ZNF557: variants seen among roughly 807,000 people sequenced by gnomAD.
ZNF557 encodes the protein CTB-25J19.9.
A neutral mutation model predicts 21.2 loss-of-function variants in ZNF557; 19 were observed. The observed-to-expected ratio is 0.90, with a 90% confidence interval of 0.63 to 1.32. The LOEUF is 1.32. Among genes scored for constraint, ZNF557 ranks in the 40% most tolerant of loss-of-function variants. The pLI, the probability that ZNF557 is intolerant of heterozygous loss-of-function variation, is 0.00. For synonymous variants in ZNF557, 207 were observed against 194.8 expected, an observed-to-expected ratio of 1.06 and a Z score of -0.52; for missense variants, 487 against 519.8, an observed-to-expected ratio of 0.94 and a Z score of 0.61.
At chr19:7,074,329 T>TACACACACACACACACACACAC (rs143012504) in intron 2 of ZNF557, among the ~76,000 whole-genome samples, 9 of 147,074 alleles carry the variant, frequency 6.1e-5, no homozygotes, top group Admixed American at 1.4e-4. Context: ...TTTGTGTGTA[T>TACACACACACACACACACACAC]ATACACACAC....
Position 7,081,605 on chromosome 19 carries a change from C to A in ZNF557, c.343+150C>A, listed in dbSNP as rs1847710111. 6 of 623,908 alleles carry A rather than the reference C, an allele frequency of 9.6e-6. No homozygotes were observed. The East Asian group carries it at 1.1e-4, about 12-fold the overall frequency. The allele number at this position is 623,908 out of a possible 1,614,324, so 38.6% of individuals were successfully genotyped here. ...GAAGGCCAAGAACGTTTGGTCTGAG[C>A]CCCCTCATGTACCTTCATGACTTCC... is the stretch of plus-strand genomic sequence containing the variant. On this transcript the variant is annotated intron_variant, in intron 6 of 7. Transcript: ENST00000252840.
chr19:7,083,371 TTTCTTCGCACTA>T lies in ZNF557; in HGVS notation c.922_933del (p.Ser309_Ser312del). 1 of 1,614,212 alleles carries T rather than the reference TTTCTTCGCACTA, an allele frequency of 6.2e-7. No homozygotes were observed. The highest frequency in any genetic ancestry group is 8.5e-7 in the Non-Finnish European group (1 of 1,180,040). ...AAGGCTTTCGGCACGAGGTCATCTCTTTCTTCGCACTATAGCATTCATACAGGGGAGTACCCT... is the reference window on the plus strand; with the variant it reads ...AAGGCTTTCGGCACGAGGTCATCTCTTAGCATTCATACAGGGGAGTACCCT... On this transcript the variant is annotated inframe_deletion, in exon 8 of 8. Transcript: ENST00000252840.
At chr19:7,076,549 A>T in intron 5 of ZNF557, 42 bp downstream of exon 5, 1 of 1,587,714 alleles carries the variant, frequency 6.3e-7, no homozygotes, top group Non-Finnish European at 8.6e-7. Context: ...ATGACTCAGG[A>T]AGTCAGTCTT....
chr19:7,073,833 A>G (rs1977514481), intron 2 of ZNF557, among the ~76,000 whole-genome samples: 1 of 152,108 alleles, frequency 6.6e-6, no homozygotes, highest in Non-Finnish European at 1.5e-5. Context: ...GCTACATCTC[A>G]ATACAAATTC....
intron 5 of ZNF557, among the ~76,000 whole-genome samples, chr19:7,078,185 C>T (rs1456858573): frequency 2.0e-5 from 3 of 152,158 alleles, no homozygotes; most frequent in Admixed American, 6.5e-5. Context: ...AGTATGTCAT[C>T]ATCCCACTGG....
In ZNF557 at chr19:7,086,262, A is replaced by G. The variant is rs1415723036; in HGVS notation, c.*2518A>G. 1 of 142,512 alleles carries G rather than the reference A, an allele frequency of 7.0e-6. No homozygotes were observed. Among genetic ancestry groups the G allele is most frequent in the Non-Finnish European group, 1.5e-5 (1 of 65,312 alleles). The allele number at this position is 142,512 out of a possible 1,614,324, so 8.8% of individuals were successfully genotyped here. On this transcript the variant is annotated 3_prime_UTR_variant, in exon 8 of 8. Transcript: ENST00000252840. ...AAAAAAATCAGACAATATTTGATATATTTTTTTCTAATTTAATAGTATTTT... is the reference window on the plus strand; with the variant it reads ...AAAAAAATCAGACAATATTTGATATGTTTTTTTCTAATTTAATAGTATTTT...
At chr19:7,072,629 C>T (rs1977484079) in intron 2 of ZNF557, among the ~76,000 whole-genome samples, 1 of 152,180 alleles carries the variant, frequency 6.6e-6, no homozygotes, top group Non-Finnish European at 1.5e-5. Context: ...GCTTTCCTGC[C>T]TCTGCACGTG....
chr19:7,084,228 A>G lies in ZNF557; in HGVS notation c.*484A>G, dbSNP rs1288103523. On this transcript the variant is annotated 3_prime_UTR_variant, in exon 8 of 8. Coordinates refer to ENST00000252840, the MANE Select transcript of ZNF557 (RefSeq NM_024341.3). ...AGATATGTTTTCATGTCCCTGTTAC[A>G]TTGGTCATACACACCAATCCTGATA... The G allele has an allele frequency of 6.1e-6, 1 of 164,276 alleles. No individual in the cohort carries two copies. The highest frequency in any genetic ancestry group is 1.3e-5 in the Non-Finnish European group (1 of 75,084). The allele number at this position is 164,276 out of a possible 1,614,324, so 10.2% of individuals were successfully genotyped here. A position where few individuals can be genotyped will look rare whatever the true frequency, so the allele number is the denominator to read the frequency against.
Position 7,075,700 on chromosome 19 carries a change from A to G in ZNF557, c.77A>G (p.Glu26Gly). The G allele has an allele frequency of 1.2e-6, 2 of 1,613,662 alleles. No homozygotes were observed. Among genetic ancestry groups the G allele is most frequent in the Non-Finnish European group, 1.7e-6 (2 of 1,179,658 alleles). The change falls in exon 4 of 8, where the codon GAG (glutamate) becomes GGG (glycine). Residue 26 changes from glutamate to glycine, a missense_variant. Physicochemically the swap from Glu to Gly is moderately conservative, Grantham distance 98 (BLOSUM62 -2). Coordinates refer to ENST00000252840, the MANE Select transcript of ZNF557 (RefSeq NM_024341.3). ...GCCTCTCAGCGAGAAGGACACACAG[A>G]GGGCGGAGAGCTGGTTAATGAGCTC... ...FPASQREGHT[E>G]GGELVNELLK...
At position 7,083,660 on chromosome 19, in the gene ZNF557, C is replaced by T. The variant is rs1309052971; in HGVS notation, c.1209C>T (p.Pro403=). 6.2e-7 allele frequency: 1 copy of T among 1,614,032 alleles called. No homozygotes were observed. The highest frequency in any genetic ancestry group is 1.7e-5 in the Admixed American group (1 of 60,006). ...KHMRTHTGKK[P]YECNYCGKSF... The stretch of plus-strand genomic sequence containing the variant: ...TGAGAACTCACACTGGAAAAAAACC[C>T]TATGAATGTAATTATTGCGGGAAAT... The change falls in exon 8 of 8, where the codon CCC becomes CCT. Residue 403 remains proline, a synonymous_variant. Coordinates refer to ENST00000252840, the MANE Select transcript of ZNF557 (RefSeq NM_024341.3).
At position 7,075,654 on chromosome 19, in the gene ZNF557, G is replaced by C; in HGVS notation, c.32-1G>C. ...CCTGGTACTCATTTCTCCTCCTCCA[G>C]CTCTGTCTTCCCTGTTCCCAGCCTC... On this transcript the variant is annotated splice_acceptor_variant, in intron 3 of 7. Transcript: ENST00000252840. LOFTEE classifies it high-confidence loss of function. 1 of 1,613,222 alleles carries C rather than the reference G, an allele frequency of 6.2e-7. No individual in the cohort carries two copies. Among genetic ancestry groups the C allele is most frequent in the South Asian group, 1.1e-5 (1 of 91,072 alleles).
chr19:7,074,255 C>T (rs376426116), intron 2 of ZNF557, among the ~76,000 whole-genome samples: 3 of 151,916 alleles, frequency 2.0e-5, no homozygotes, highest in South Asian at 2.1e-4. Context: ...ATCCGCCCGC[C>T]TCGGCCTCCC....
At chr19:7,080,232 A>C (rs2145173491) in intron 5 of ZNF557, among the ~76,000 whole-genome samples, 1 of 150,616 alleles carries the variant, frequency 6.6e-6, no homozygotes, top group Admixed American at 6.6e-5. Flanking sequence ...TGAACCCAGG[A>C]GGTGGAGGTT....
chr19:7,074,947 C>T (rs367957983), intron 2 of ZNF557, 49 bp from the exon 3 acceptor site: 42 of 1,490,794 alleles, frequency 2.8e-5, no homozygotes, highest in South Asian at 4.5e-5. Flanking sequence ...ACGCAGGGCA[C>T]GGGCTGGAGG....
rs534886348 is a variant in ZNF557, at chr19:7,086,281, G to A, written c.*2537G>A. ...TGATATATTTTTTTCTAATTTAATAGTATTTTGCCAGAGTACATGGACTTT... is the reference window on the plus strand; with the variant it reads ...TGATATATTTTTTTCTAATTTAATAATATTTTGCCAGAGTACATGGACTTT... On this transcript the variant is annotated 3_prime_UTR_variant, in exon 8 of 8. Coordinates refer to ENST00000252840, the MANE Select transcript of ZNF557 (RefSeq NM_024341.3). 1 of 141,318 alleles carries A rather than the reference G, an allele frequency of 7.1e-6. No individual in the cohort carries two copies. Among genetic ancestry groups the A allele is most frequent in the South Asian group, 2.2e-4 (1 of 4,534 alleles). 8.8% of individuals were successfully genotyped at this position (141,318 alleles called of 1,614,324 possible). A position where few individuals can be genotyped will look rare whatever the true frequency, so the allele number is the denominator to read the frequency against.
intron 5 of ZNF557, among the ~76,000 whole-genome samples, chr19:7,078,193 T>C (rs956933227): frequency 4.6e-5 from 7 of 152,210 alleles, no homozygotes; most frequent in Non-Finnish European, 1.0e-4. Flanking sequence ...ATCATCCCAC[T>C]GGCTTGCGGC....
Position 7,083,610 on chromosome 19 carries a change from G to A in ZNF557, c.1159G>A (p.Val387Ile). 6.2e-7 allele frequency: 1 copy of A among 1,614,048 alleles called. No homozygotes were observed. The highest frequency in any genetic ancestry group is 1.1e-5 in the South Asian group (1 of 91,078). ...CAGTGATTGTGGAAAATCCTTTAAT[G>A]TTCTCTCATCCGTTAAGAAACACAT... The part of the protein sequence containing the change: ...ECSDCGKSFN[V>I]LSSVKKHMRT... The change falls in exon 8 of 8, where the codon GTT becomes ATT. Residue 387 changes from valine (V) to isoleucine (I), a missense_variant. Physicochemically the swap from Val to Ile is conservative, Grantham distance 29. Transcript: ENST00000252840.
intron 7 of ZNF557, among the ~76,000 whole-genome samples, chr19:7,082,421 C>CAAA (rs10641888): frequency 0.4 from 43,086 of 108,054 alleles, 10,089 homozygotes; most frequent in South Asian, 0.45. Flanking sequence ...GACTCTGTCT[C>CAAA]AAAAAAAAAA....
chr19:7,070,805 G>T (rs1036406085), intron 2 of ZNF557, among the ~76,000 whole-genome samples, 152 bp downstream of exon 2: 10 of 147,942 alleles, frequency 6.8e-5, no homozygotes, highest in Non-Finnish European at 1.2e-4. Flanking sequence ...TCACTCCGTT[G>T]CCCAGCCTGG....
Sources: allele counts gnomAD v4.1 joint callset (sites outside exome capture counted in the v4.1 genomes callset), GRCh38; gene constraint gnomAD v4.1.1; transcripts MANE v1.5; gene names NCBI Gene and HGNC (gene_info 2026-07-23, HGNC 2026-07-21).